The following MARS1 variants were observed in gnomAD, a reference collection of about 807,000 sequenced individuals.
MARS1 encodes the protein methionyl-tRNA synthetase 1.
In MARS1, 80 loss-of-function variants were observed where a neutral mutation model predicts 119.5. The ratio of observed to expected loss-of-function variants is 0.67; its 90% confidence interval spans 0.56 to 0.81. The LOEUF (loss-of-function observed/expected upper bound fraction) is 0.81. MARS1 is among the 30% of genes least tolerant of loss of function. MARS1 has a pLI of 0.00. For missense variants in MARS1, 945 were observed against 1,116.5 expected (o/e 0.85, Z 2.19); for synonymous variants, 418 against 433.4 (o/e 0.96, Z 0.44).
chr12:57,504,011 C>A, intron 10 of MARS1: 1 of 577,776 alleles, frequency 1.7e-6, no homozygotes, highest in South Asian at 2.0e-5. Context: ...TGTGATGGGA[C>A]AGAGATCTGA....
rs1310602499 is a variant in MARS1 at position 57,516,478 on chromosome 12, A to G, written c.2600A>G (p.Asn867Ser). ...RELKAQKADK[N>S]EVAAEVAKLL... ...CTGAAAGCACAAAAGGCAGACAAGA[A>G]CGAGGTTGCTGCGGAGGTGGCGAAA... Residue 867 changes from asparagine (N) to serine (S), a missense_variant, in exon 21 of 21, where the codon AAC (asparagine) becomes AGC (serine). Asn to Ser is a conservative substitution (Grantham distance 46). Transcript: ENST00000262027. The G allele has an allele frequency of 6.2e-7, 1 of 1,613,760 alleles. No individual in the cohort carries two copies. Among genetic ancestry groups the G allele is most frequent in the African/African-American group, 1.3e-5 (1 of 74,898 alleles).
At chr12:57,502,927 G>A (rs956118991) in intron 10 of MARS1, among the ~76,000 whole-genome samples, 1 of 151,892 alleles carries the variant, frequency 6.6e-6, no homozygotes, top group Non-Finnish European at 1.5e-5. Flanking sequence ...TCAGGAGGCC[G>A]AGGCTGGAGA....
At position 57,504,130 on chromosome 12, in the gene MARS1, A is replaced by C. The variant is rs566953195; in HGVS notation, c.1294-95A>C. 46 of 819,582 alleles carry C rather than the reference A, an allele frequency of 5.6e-5. No homozygotes were observed. In the Admixed American group the frequency reaches 6.3e-4, roughly 11 times the overall value. The allele number at this position is 819,582 out of a possible 1,614,324, so 50.8% of individuals were successfully genotyped here. A position where few individuals can be genotyped will look rare whatever the true frequency, so the allele number is the denominator to read the frequency against. ...TGAGCCTGAAGCTAAACTAGATGGC[A>C]GACTGAGGAGCTAATCCTTCTCTGC... On this transcript the variant is annotated intron_variant, in intron 10 of 20. Coordinates refer to ENST00000262027, the MANE Select transcript of MARS1 (RefSeq NM_004990.4).
chr12:57,503,950 T>C (rs529405638), intron 10 of MARS1: 2 of 436,280 alleles, frequency 4.6e-6, no homozygotes, highest in Admixed American at 3.8e-5. Context: ...CCAAGTACAG[T>C]GCAGTGCTCT....
At chr12:57,499,396 C>A (rs1343497645) in intron 9 of MARS1, among the ~76,000 whole-genome samples, 3 of 145,128 alleles carry the variant, frequency 2.1e-5, no homozygotes, top group African/African-American at 7.8e-5. Context: ...GAGATCGAGA[C>A]TATCCTGGCT....
chr12:57,506,249 ACT>A (rs1054295952), intron 11 of MARS1, among the ~76,000 whole-genome samples: 2 of 151,888 alleles, frequency 1.3e-5, no homozygotes, highest in Admixed American at 6.6e-5. Context: ...ACAGACTGAG[ACT>A]CTGTATCAAA....
chr12:57,490,778 CTCTT>C, intron 7 of MARS1, 134 bp downstream of exon 7: 3 of 398,654 alleles, frequency 7.5e-6, no homozygotes, highest in East Asian at 4.4e-5. Flanking sequence ...ATTCTTACAT[CTCTT>C]TTTTTTTTTT....
chr12:57,495,100 C>T lies in MARS1; in HGVS notation c.771-3057C>T, dbSNP rs1486352612. On this transcript the variant is annotated intron_variant, in intron 7 of 20. Transcript: ENST00000262027. ...AGGGCGGCCGGGCAGAGGTGCCCCC[C>T]CACCTCCCGGGCTGGGTGGCGGCCA... Among the ~76,000 whole-genome samples, 4 of 151,604 alleles carry T rather than the reference C, an allele frequency of 2.6e-5. No homozygotes were observed. In the East Asian group the frequency reaches 7.8e-4, roughly 30 times the overall value.
chr12:57,494,526 T>C lies in MARS1; in HGVS notation c.771-3631T>C, dbSNP rs1594815342. On this transcript the variant is annotated intron_variant, in intron 7 of 20. Transcript: ENST00000262027. Reference sequence around the variant, plus strand: ...TTTTTTTTTTTTTTTTTTTAGTATTTATTGATCATTATTGGGTGTTTCTCG... The same window carrying C: ...TTTTTTTTTTTTTTTTTTTAGTATTCATTGATCATTATTGGGTGTTTCTCG... Among the ~76,000 whole-genome samples the C allele has an allele frequency of 1.3e-5, 2 of 148,424 alleles. 1 individual carries two copies.
At chr12:57,488,488 A>G (rs1445832776) in intron 1 of MARS1, 22 of 1,356,422 alleles carry the variant, frequency 1.6e-5, no homozygotes, top group South Asian at 1.3e-5. Context: ...ACCTTCTCCT[A>G]CACCTATCAG....
At position 57,515,355 on chromosome 12, in the gene MARS1, C is replaced by T; in HGVS notation, c.2391+19C>T. 1 of 1,608,122 alleles carries T rather than the reference C, an allele frequency of 6.2e-7. No homozygotes were observed. The highest frequency in any genetic ancestry group is 8.5e-7 in the Non-Finnish European group (1 of 1,178,700). On this transcript the variant is annotated intron_variant, in intron 18 of 20. Transcript: ENST00000262027. ...TGGCACAGTAGGTGGAAGAGCCAGCCTCTCTTAAAATTGATACTCTTGCCA... is the reference window on the plus strand; with the variant it reads ...TGGCACAGTAGGTGGAAGAGCCAGCTTCTCTTAAAATTGATACTCTTGCCA...
intron 7 of MARS1, among the ~76,000 whole-genome samples, chr12:57,492,542 G>C (rs949191303): frequency 6.6e-6 from 1 of 151,574 alleles, no homozygotes; most frequent in Non-Finnish European, 1.5e-5. Flanking sequence ...ACGGTGGCTC[G>C]TGCCTGTAAT....
chr12:57,489,815 T>C, intron 4 of MARS1, 81 bp from the exon 5 acceptor site: 2 of 1,297,820 alleles, frequency 1.5e-6, no homozygotes, highest in Non-Finnish European at 1.1e-6. Flanking sequence ...TATAAAGTGC[T>C]CAGTAAATGT....
rs55784218 is a variant in MARS1 at position 57,493,523 on chromosome 12, ATAT to A, written c.770+2883_770+2885del. ...TAATATATAATATATAATATATAAT[ATAT>A]TATAATATATAATATATTATAATAT... On this transcript the variant is annotated intron_variant, in intron 7 of 20. Coordinates refer to ENST00000262027, the MANE Select transcript of MARS1 (RefSeq NM_004990.4). Among the ~76,000 whole-genome samples the A allele has an allele frequency of 5.5e-3, 29 of 5,306 alleles. 6 individuals are homozygous for A. Among genetic ancestry groups the A allele is most frequent in the Middle Eastern group, 0.083 (1 of 12 alleles). 3.5% of individuals were successfully genotyped at this position (5,306 alleles called of 152,430 possible).
chr12:57,493,450 TAATATATTATAATATATAATA>T (rs1876155023), intron 7 of MARS1, among the ~76,000 whole-genome samples: 1 of 1,186 alleles, frequency 8.4e-4, no homozygotes, highest in African/African-American at 1.1e-3. Flanking sequence ...ACATAATATA[TAATATATTATAATATATAATA>T]TATAATATAT....
In MARS1 at chr12:57,489,547, T is replaced by C. The variant is rs775752891; in HGVS notation, c.403T>C (p.Phe135Leu). The change falls in exon 4 of 21, where the codon TTC becomes CTC. Residue 135 changes from phenylalanine to leucine, a missense_variant. Coordinates refer to ENST00000262027, the MANE Select transcript of MARS1 (RefSeq NM_004990.4). Reference sequence around the variant, plus strand: ...CAGCTTGAGTCGTCAGAACTGTCCTTTCCTGGCTGGGGTGAGTTGGGTCTT... The same window carrying C: ...CAGCTTGAGTCGTCAGAACTGTCCTCTCCTGGCTGGGGTGAGTTGGGTCTT... ...DHSLSRQNCP[F>L]LAGETESLAD... 1.3e-5 allele frequency: 21 copies of C among 1,614,026 alleles called. No homozygotes were observed. The highest frequency in any genetic ancestry group is 1.8e-5 in the Non-Finnish European group (21 of 1,180,026).
intron 1 of MARS1, chr12:57,488,797 C>G (rs942709216): frequency 2.3e-6 from 2 of 854,548 alleles, no homozygotes; most frequent in African/African-American, 1.7e-5. Flanking sequence ...TCTGCAGTCC[C>G]CATCTGTTGC....
intron 7 of MARS1, 144 bp from the exon 8 acceptor site, chr12:57,498,013 T>C (rs920859862): frequency 1.5e-6 from 1 of 669,060 alleles, no homozygotes; most frequent in Non-Finnish European, 2.7e-6. Context: ...GCTGTGGTCC[T>C]GTGGGTTTGT....
At position 57,490,319 on chromosome 12, in the gene MARS1, C is replaced by T; in HGVS notation, c.603C>T (p.Tyr201=). The T allele has an allele frequency of 6.2e-7, 1 of 1,612,864 alleles. No individual in the cohort carries two copies. The highest frequency in any genetic ancestry group is 8.5e-7 in the Non-Finnish European group (1 of 1,180,026). Residue 201 remains tyrosine (Y), a synonymous_variant, in exon 6 of 21, where the codon TAC becomes TAT. Coordinates refer to ENST00000262027, the MANE Select transcript of MARS1 (RefSeq NM_004990.4). Reference sequence around the variant, plus strand: ...AAGGTGTCCTGGCTCTCCGGCCTTACCTCCAAAAGCAGCCCCAGCCCAGCC... The same window carrying T: ...AAGGTGTCCTGGCTCTCCGGCCTTATCTCCAAAAGCAGCCCCAGCCCAGCC... ...KQQGVLALRP[Y]LQKQPQPSPA... is the part of the protein sequence containing the mutation.
Sources: gnomAD v4.1 joint callset for allele counts (sites outside exome capture counted in the v4.1 genomes callset) on GRCh38, gnomAD v4.1.1 for gene constraint, MANE v1.5 for transcripts, NCBI Gene and HGNC (gene_info 2026-07-23, HGNC 2026-07-21) for gene names.